Variants in SLC2A9 observed in about 807,000 individuals in gnomAD.
SLC2A9 encodes the protein solute carrier family 2 member 9.
Under a neutral mutation model 50.6 loss-of-function variants are expected in SLC2A9, and 39 were observed. The observed-to-expected ratio is 0.77, with a 90% CI of 0.60 to 1.01. SLC2A9 has a LOEUF of 1.01. Among genes scored for constraint, SLC2A9 ranks in the 50% least tolerant of loss-of-function variants. The pLI, the probability that SLC2A9 is intolerant of heterozygous loss-of-function variation, is 0.00. For missense variants in SLC2A9, 686 were observed against 677.6 expected (o/e 1.01, Z -0.14); for synonymous variants, 324 against 276.9 (o/e 1.17, Z -1.69).
In SLC2A9 at chr4:9,826,568, A is replaced by G. The variant is rs1725167866; in HGVS notation, c.1452T>C (p.Phe484=). Residue 484 remains phenylalanine, a synonymous_variant, in exon 12 of 12, where the codon TTT becomes TTC. Coordinates refer to ENST00000264784, the MANE Select transcript of SLC2A9 (RefSeq NM_020041.3). ...KSLDTYCFLV[F]ATICITGAIY... is the part of the protein sequence containing the mutation. ...TAGCACCTGTGATACAAATTGTAGC[A>G]AAGACTAGGAAACAGTAGGTGTCCA... 1 of 1,613,990 alleles carries G rather than the reference A, an allele frequency of 6.2e-7. No individual in the cohort carries two copies. The highest frequency in any genetic ancestry group is 1.3e-5 in the African/African-American group (1 of 74,938).
chr4:9,974,744 A>G (rs945027896), intron 5 of SLC2A9, among the ~76,000 whole-genome samples: 1 of 151,814 alleles, frequency 6.6e-6, no homozygotes, highest in Non-Finnish European at 1.5e-5. Flanking sequence ...ACCAAACTAG[A>G]AAAAAAAATT....
At chr4:9,835,133 C>A in intron 10 of SLC2A9, 125 bp from the exon 11 acceptor site, 1 of 1,376,530 alleles carries the variant, frequency 7.3e-7, no homozygotes, top group Non-Finnish European at 1.0e-6. Context: ...GTGTAGTGGG[C>A]CCCAGTTCCT....
rs113218808 is a variant in SLC2A9, at chr4:9,999,988, G to A, written c.250-3047C>T. Among the ~76,000 whole-genome samples the A allele has an allele frequency of 2.8e-3, 421 of 152,276 alleles. 1 individual carries two copies. Among genetic ancestry groups the A allele is most frequent in the African/African-American group, 9.4e-3 (390 of 41,558 alleles). On this transcript the variant is annotated intron_variant, in intron 2 of 11. Transcript: ENST00000264784. ...GAGAACAGATGGTGTTGCAGAAAGT[G>A]AAAGAAGATCACAGAAAACTCCCAG...
Position 9,782,333 on chromosome 4 carries a change from G to A in SLC2A9, n.386-2268C>T, listed in dbSNP as rs1301629076. 1 of 1,614,038 alleles carries A rather than the reference G, an allele frequency of 6.2e-7. No homozygotes were observed. The highest frequency in any genetic ancestry group is 8.5e-7 in the Non-Finnish European group (1 of 1,179,880). On this transcript the variant is annotated intron_variant and non_coding_transcript_variant, in intron 3 of 3. Coordinates refer to the SLC2A9 transcript ENST00000503803. ...GGTCATGCCCTGGAAGGCAGTCGCCGAGGTGGCCGGTTACTGGCCCTTTGG... is the reference window on the plus strand; with the variant it reads ...GGTCATGCCCTGGAAGGCAGTCGCCAAGGTGGCCGGTTACTGGCCCTTTGG...
At chr4:9,898,877 A>T (rs1317064602) in intron 8 of SLC2A9, among the ~76,000 whole-genome samples, 1 of 152,214 alleles carries the variant, frequency 6.6e-6, no homozygotes, top group Admixed American at 6.5e-5. Context: ...GATTTCCTCA[A>T]CAGGCTTTAC....
intron 2 of SLC2A9, among the ~76,000 whole-genome samples, chr4:10,013,805 G>A (rs1384345170): frequency 6.6e-6 from 1 of 152,148 alleles, no homozygotes; most frequent in African/African-American, 2.4e-5. Flanking sequence ...TGGAGTCTGT[G>A]CCCCGATCAC....
chr4:10,027,048 A>C (rs1401240765), intron 1 of SLC2A9, among the ~76,000 whole-genome samples: 4 of 151,868 alleles, frequency 2.6e-5, no homozygotes, highest in Non-Finnish European at 4.4e-5. Context: ...TGTCTCAAAA[A>C]AACAAAAAAA....
intron 3 of SLC2A9, among the ~76,000 whole-genome samples, chr4:9,787,236 G>T (rs1425178880): frequency 1.3e-5 from 2 of 152,186 alleles, no homozygotes; most frequent in Admixed American, 1.3e-4. Flanking sequence ...CATATTCATT[G>T]GTTAGAAGTG....
At chr4:9,921,369 G>C (rs760993470) in intron 6 of SLC2A9, among the ~76,000 whole-genome samples, 1 of 152,172 alleles carries the variant, frequency 6.6e-6, no homozygotes, top group Non-Finnish European at 1.5e-5. Context: ...CGGGCTGACT[G>C]ATTAGATCCC....
At chr4:9,864,527 A>G (rs1216743578) in intron 10 of SLC2A9, among the ~76,000 whole-genome samples, 2 of 152,166 alleles carry the variant, frequency 1.3e-5, no homozygotes, top group Non-Finnish European at 2.9e-5. Context: ...TTTATTGTCC[A>G]CCTTTCAGAG....
rs1967551 is a variant in SLC2A9, at chr4:9,783,510, T to C, written n.386-3445A>G. ...ATGGATCTGCATAACCGCACAGACA[T>C]TGACAAGCACGCACACACACGCAAA... On this transcript the variant is annotated intron_variant and non_coding_transcript_variant, in intron 3 of 3. Transcript: ENST00000503803. 0.61 allele frequency: 927,336 copies of C among 1,525,428 alleles called. 287,370 individuals carry two copies. The highest frequency in any genetic ancestry group is 0.64 in the Non-Finnish European group (726,264 of 1,128,044). The allele number at this position is 1,525,428 out of a possible 1,614,324, so 94.5% of individuals were successfully genotyped here. A position where few individuals can be genotyped will look rare whatever the true frequency, so the allele number is the denominator to read the frequency against.
intron 9 of SLC2A9, 147 bp from the exon 10 acceptor site, chr4:9,887,789 A>G (rs1476946203): frequency 5.3e-5 from 26 of 486,104 alleles, no homozygotes; most frequent in Non-Finnish European, 8.7e-5. Context: ...CATCTATAAC[A>G]TGGGAACAAT....
intron 5 of SLC2A9, among the ~76,000 whole-genome samples, chr4:9,978,826 A>G (rs1327683244): frequency 6.6e-6 from 1 of 152,272 alleles, no homozygotes; most frequent in Non-Finnish European, 1.5e-5. Context: ...CTGAAATATA[A>G]AAAGTCACTT....
intron 2 of SLC2A9, among the ~76,000 whole-genome samples, chr4:10,010,090 C>T (rs1256886165): frequency 6.6e-6 from 1 of 152,184 alleles, no homozygotes; most frequent in Non-Finnish European, 1.5e-5. Flanking sequence ...AGGGTTGGGG[C>T]TTTGAGCCAA....
At chr4:9,994,321 A>G (rs1461922804) in intron 3 of SLC2A9, among the ~76,000 whole-genome samples, 1 of 152,216 alleles carries the variant, frequency 6.6e-6, no homozygotes, top group Non-Finnish European at 1.5e-5. Context: ...AATAGATGGT[A>G]GCTTTCTTTT....
At chr4:9,893,564 G>A (rs991138493) in intron 8 of SLC2A9, among the ~76,000 whole-genome samples, 1 of 141,942 alleles carries the variant, frequency 7.0e-6, no homozygotes. Context: ...GACGGAGGGA[G>A]AGAATGAGGG....
chr4:9,826,397 T>A lies in SLC2A9; in HGVS notation c.1623A>T (p.Ter541TyrextTer27), dbSNP rs144718252. 4 of 1,613,934 alleles carry A rather than the reference T, an allele frequency of 2.5e-6. No homozygotes were observed. The African/African-American group carries it at 5.3e-5, about 22-fold the overall frequency. Residue 541 changes from the stop codon to tyrosine (Y), a stop_lost, in exon 12 of 12, where the codon TAA becomes TAT. Coordinates refer to ENST00000264784, the MANE Select transcript of SLC2A9 (RefSeq NM_020041.3). ...VTDGKINGRP* is the reference protein window; with the variant it reads ...VTDGKINGRPY ...TGTCCAACGTGGAGGAGGAAACTTG[T>A]TAAGGCCTTCCATTTATCTTACCAT...
At chr4:10,030,668 G>A (rs1473832967) in intron 1 of SLC2A9, among the ~76,000 whole-genome samples, 1 of 152,096 alleles carries the variant, frequency 6.6e-6, no homozygotes, top group East Asian at 1.9e-4. Flanking sequence ...AAACAAAAAC[G>A]TGCTCATCCA....
intron 3 of SLC2A9, among the ~76,000 whole-genome samples, chr4:9,800,290 C>T (rs564056105): frequency 2.6e-5 from 4 of 152,212 alleles, no homozygotes; most frequent in Admixed American, 6.5e-5. Context: ...TGTTGAAGTC[C>T]GAACTCCTAG....
Sources: allele counts gnomAD v4.1 joint callset (sites outside exome capture counted in the v4.1 genomes callset), GRCh38; gene constraint gnomAD v4.1.1; transcripts MANE v1.5; gene names NCBI Gene and HGNC (gene_info 2026-07-23, HGNC 2026-07-21).